The following GALNT13 variants were observed in gnomAD, a reference collection of about 807,000 sequenced individuals.
GALNT13 encodes the protein UDP-GalNAc:polypeptide N-acetylgalactosaminyltransferase 13.
GALNT13 carries 28 observed loss-of-function variants against 64.2 expected under a neutral mutation model. The observed-to-expected ratio is 0.44, with a 90% CI of 0.32 to 0.60. GALNT13 has a LOEUF of 0.60. GALNT13 is among the 20% of genes least tolerant of loss of function. The probability of loss-of-function intolerance (pLI) is 0.05; values close to 1 mark genes in which losing one functional copy is unlikely to be tolerated. For missense variants in GALNT13, 577 were observed against 669.8 expected (o/e 0.86, Z 1.53); for synonymous variants, 214 against 224.6 (o/e 0.95, Z 0.42).
chr2:153,383,029 CT>C, the GALNT13 span, among the ~76,000 whole-genome samples: 43 of 151,950 alleles, frequency 2.8e-4, 1 homozygote, highest in South Asian at 9.0e-3. Context: ...TTAAATAATT[CT>C]TTTTTAAAAA....
At position 153,963,711 on chromosome 2, in the gene GALNT13, G is replaced by GTCTC. The variant is rs71396373; in HGVS notation, c.142+19090_142+19093dup. ...AATTTCTCTCTCTCTCTGTCTCTCC[G>GTCTC]TCTCTCTCTCTCTCTCTCTCTGTGT... On this transcript the variant is annotated intron_variant, in intron 3 of 12. Coordinates refer to ENST00000392825, the MANE Select transcript of GALNT13 (RefSeq NM_052917.4). Among the ~76,000 whole-genome samples, 466 of 127,142 alleles carry GTCTC rather than the reference G, an allele frequency of 3.7e-3. 4 individuals carry two copies. The highest frequency in any genetic ancestry group is 7.8e-3 in the East Asian group (28 of 3,608). 83.4% of individuals were successfully genotyped at this position (127,142 alleles called of 152,430 possible).
chr2:153,499,131 G>C, the GALNT13 span, among the ~76,000 whole-genome samples: 2 of 152,118 alleles, frequency 1.3e-5, no homozygotes, highest in African/African-American at 2.4e-5. Flanking sequence ...GAATACAGGC[G>C]TGAGCCATTG....
At chr2:154,337,520 A>T (rs1343556042) in intron 9 of GALNT13, among the ~76,000 whole-genome samples, 1 of 152,190 alleles carries the variant, frequency 6.6e-6, no homozygotes, top group Middle Eastern at 3.4e-3. Context: ...TTTAAAATAA[A>T]ATATTTTAAA....
chr2:153,076,558 T>C, the GALNT13 span, among the ~76,000 whole-genome samples: 1 of 152,178 alleles, frequency 6.6e-6, no homozygotes, highest in Non-Finnish European at 1.5e-5. Flanking sequence ...CTTCCTTGAG[T>C]ACTTTTATGA....
the GALNT13 span, among the ~76,000 whole-genome samples, chr2:153,768,816 A>AT: frequency 2.0e-5 from 3 of 152,366 alleles, no homozygotes; most frequent in Non-Finnish European, 4.4e-5. Flanking sequence ...CAGTGAGCCA[A>AT]GATCGCACCA....
the GALNT13 span, among the ~76,000 whole-genome samples, chr2:153,803,768 G>A: frequency 2.9e-4 from 44 of 151,444 alleles, no homozygotes; most frequent in African/African-American, 9.7e-4. Context: ...CCATGAGCAC[G>A]AAGAGGTCAT....
the GALNT13 span, among the ~76,000 whole-genome samples, chr2:153,217,502 G>A: frequency 6.6e-6 from 1 of 152,076 alleles, no homozygotes; most frequent in East Asian, 1.9e-4. Flanking sequence ...CCTGGATGCT[G>A]TTTTATTTTA....
At chr2:154,220,556 A>G (rs1039311031) in intron 4 of GALNT13, among the ~76,000 whole-genome samples, 2 of 151,936 alleles carry the variant, frequency 1.3e-5, no homozygotes, top group African/African-American at 2.4e-5. Context: ...GCATACACAC[A>G]TATTTCTGAA....
chr2:153,078,704 T>C, the GALNT13 span, among the ~76,000 whole-genome samples: 1 of 152,118 alleles, frequency 6.6e-6, no homozygotes, highest in Non-Finnish European at 1.5e-5. Context: ...TTTTACTTGT[T>C]TCTGATTTCA....
At chr2:153,257,755 T>A in the GALNT13 span, among the ~76,000 whole-genome samples, 2 of 152,340 alleles carry the variant, frequency 1.3e-5, no homozygotes, top group East Asian at 3.9e-4. Context: ...TTTGTGAGTA[T>A]TCTTAACTTA....
chr2:154,050,345 T>A (rs1699526420), intron 3 of GALNT13, among the ~76,000 whole-genome samples: 1 of 152,168 alleles, frequency 6.6e-6, no homozygotes, highest in South Asian at 2.1e-4. Context: ...AAATGGTACT[T>A]TGTCTAGCCC....
the GALNT13 span, among the ~76,000 whole-genome samples, chr2:153,637,171 T>C: frequency 6.6e-6 from 1 of 152,124 alleles, no homozygotes; most frequent in Non-Finnish European, 1.5e-5. Flanking sequence ...TCTCTGGTCA[T>C]ATACCAAATT....
At chr2:153,805,031 T>A in the GALNT13 span, among the ~76,000 whole-genome samples, 2 of 151,900 alleles carry the variant, frequency 1.3e-5, no homozygotes, top group Middle Eastern at 3.4e-3. Flanking sequence ...GAGCATAAAT[T>A]ATGAAATATA....
intron 3 of GALNT13, among the ~76,000 whole-genome samples, chr2:154,139,919 C>T (rs1054073832): frequency 3.9e-5 from 6 of 151,996 alleles, no homozygotes; most frequent in African/African-American, 1.4e-4. Context: ...GATGTAATGG[C>T]AGTAGATATG....
chr2:154,033,864 G>T (rs188891816), intron 3 of GALNT13, among the ~76,000 whole-genome samples: 1 of 152,064 alleles, frequency 6.6e-6, no homozygotes. Flanking sequence ...TCTTGAACCC[G>T]GGGGGTGGAG....
the GALNT13 span, among the ~76,000 whole-genome samples, chr2:153,854,932 T>C: frequency 7.9e-5 from 12 of 152,120 alleles, no homozygotes; most frequent in Non-Finnish European, 1.6e-4. Context: ...ATTTTGACAA[T>C]GTGATATTGT....
chr2:154,028,111 C>T (rs1466816743), intron 3 of GALNT13, among the ~76,000 whole-genome samples: 6 of 151,984 alleles, frequency 3.9e-5, no homozygotes, highest in Non-Finnish European at 7.4e-5. Flanking sequence ...AACCTACTAG[C>T]GTGTGAGGGC....
intron 3 of GALNT13, among the ~76,000 whole-genome samples, chr2:154,039,025 C>A (rs1342452998): frequency 6.6e-6 from 1 of 152,062 alleles, no homozygotes; most frequent in African/African-American, 2.4e-5. Context: ...CATCACTCAT[C>A]ATCAAGGAAA....
chr2:154,292,998 A>T (rs1048537617), intron 8 of GALNT13, among the ~76,000 whole-genome samples: 1 of 152,312 alleles, frequency 6.6e-6, no homozygotes, highest in Admixed American at 6.5e-5. Flanking sequence ...TTACATTTTG[A>T]TTAAGAACCT....
Sources: allele counts gnomAD v4.1 joint callset (sites outside exome capture counted in the v4.1 genomes callset), GRCh38; gene constraint gnomAD v4.1.1; transcripts MANE v1.5; gene names NCBI Gene and HGNC (gene_info 2026-07-23, HGNC 2026-07-21).